The following AUH variants were observed in gnomAD, a reference collection of about 807,000 sequenced individuals.
AUH encodes AU RNA binding methylglutaconyl-CoA hydratase.
In AUH, 29 loss-of-function variants were observed where a neutral mutation model predicts 42.3. The ratio of observed to expected loss-of-function variants is 0.69; its 90% CI spans 0.51 to 0.93. AUH has a LOEUF of 0.93. Ranked by LOEUF, AUH falls within the 40% of genes least tolerant of loss-of-function variation. The pLI, the probability that AUH is intolerant of heterozygous loss-of-function variation, is 0.00. For missense variants in AUH, 452 were observed against 438.1 expected (o/e 1.03, Z -0.28); for synonymous variants, 174 against 166.4 (o/e 1.05, Z -0.35).
chr9:91,322,053 T>C (rs1829621124), intron 4 of AUH, among the ~76,000 whole-genome samples: 1 of 152,194 alleles, frequency 6.6e-6, no homozygotes, highest in Admixed American at 6.5e-5. Context: ...TCAAAATGTC[T>C]GGAATCATCA....
intron 3 of AUH, among the ~76,000 whole-genome samples, chr9:91,329,787 T>A (rs967390223): frequency 6.6e-6 from 1 of 152,176 alleles, no homozygotes; most frequent in African/African-American, 2.4e-5. Flanking sequence ...TTTCTGGTAA[T>A]ATCTAAAAAT....
intron 6 of AUH, among the ~76,000 whole-genome samples, chr9:91,242,797 C>T (rs1278669722): frequency 6.6e-6 from 1 of 152,052 alleles, no homozygotes; most frequent in Non-Finnish European, 1.5e-5. Context: ...GCTAAGTTTA[C>T]CAGGTGTTAT....
chr9:91,259,333 G>A (rs1829580904), intron 6 of AUH, among the ~76,000 whole-genome samples: 1 of 151,952 alleles, frequency 6.6e-6, no homozygotes, highest in Admixed American at 6.5e-5. Flanking sequence ...ATTTGTAGTG[G>A]TGAATGATCT....
At chr9:91,278,813 T>A (rs2131551841) in intron 6 of AUH, among the ~76,000 whole-genome samples, 1 of 152,284 alleles carries the variant, frequency 6.6e-6, no homozygotes, top group East Asian at 1.9e-4. Context: ...ACAGTAACTG[T>A]TGAAACAAGC....
intron 3 of AUH, among the ~76,000 whole-genome samples, chr9:91,348,331 G>A (rs531660756): frequency 3.3e-5 from 5 of 152,266 alleles, no homozygotes; most frequent in South Asian, 4.1e-4. Context: ...AAATGATACC[G>A]AAAACAGTTG....
intron 4 of AUH, among the ~76,000 whole-genome samples, chr9:91,309,619 A>C (rs750164698): frequency 6.6e-6 from 1 of 152,214 alleles, no homozygotes; most frequent in Non-Finnish European, 1.5e-5. Context: ...ATGGGTATAC[A>C]TGAACATAAA....
intron 3 of AUH, among the ~76,000 whole-genome samples, chr9:91,334,779 C>A (rs1309892195): frequency 6.6e-6 from 1 of 152,142 alleles, no homozygotes; most frequent in Non-Finnish European, 1.5e-5. Context: ...GGGGTTATTA[C>A]GCAGTGATTA....
intron 6 of AUH, among the ~76,000 whole-genome samples, chr9:91,250,919 T>C (rs1416205363): frequency 6.6e-6 from 1 of 151,986 alleles, no homozygotes; most frequent in Non-Finnish European, 1.5e-5. Context: ...CATCAGCACA[T>C]CCCCTGGGTG....
intron 6 of AUH, among the ~76,000 whole-genome samples, chr9:91,244,504 C>A (rs181396427): frequency 6.6e-6 from 1 of 152,152 alleles, no homozygotes. Context: ...TATTTCAAAA[C>A]ATTTTAAGGC....
intron 4 of AUH, among the ~76,000 whole-genome samples, chr9:91,315,782 C>T (rs1227670278): frequency 2.0e-5 from 3 of 151,882 alleles, no homozygotes; most frequent in Non-Finnish European, 4.4e-5. Flanking sequence ...TCAGAACTAA[C>T]ACCTGTCTGC....
intron 3 of AUH, among the ~76,000 whole-genome samples, chr9:91,340,216 AC>A (rs1831004070): frequency 6.6e-6 from 1 of 152,210 alleles, no homozygotes; most frequent in South Asian, 2.1e-4. Flanking sequence ...GACAGTAACT[AC>A]CTTCTGCAGC....
At chr9:91,320,313 A>T (rs1829471869) in intron 4 of AUH, among the ~76,000 whole-genome samples, 1 of 152,202 alleles carries the variant, frequency 6.6e-6, no homozygotes, top group South Asian at 2.1e-4. Context: ...GTACTTCTAT[A>T]CTTGTGGATG....
chr9:91,323,793 C>T (rs546988997), intron 4 of AUH, among the ~76,000 whole-genome samples: 1 of 151,872 alleles, frequency 6.6e-6, no homozygotes, highest in Non-Finnish European at 1.5e-5. Flanking sequence ...CCTTGAAAGA[C>T]ATTAAAAAAA....
chr9:91,220,855 C>G lies in AUH; in HGVS notation c.793G>C (p.Asp265His). The G allele has an allele frequency of 6.2e-7, 1 of 1,614,262 alleles. No homozygotes were observed. The highest frequency in any genetic ancestry group is 2.2e-5 in the East Asian group (1 of 44,880). Residue 265 changes from aspartate (D) to histidine (H), a missense_variant, in exon 7 of 10, where the codon GAC becomes CAC. Coordinates refer to ENST00000375731, the MANE Select transcript of AUH (RefSeq NM_001698.3). The stretch of plus-strand genomic sequence containing the variant: ...TCCAAGGCCTTCCTGTAGGCCGCGT[C>G]TCCCTCCTGGTTCTGTTCCAGAACG... ...SHVLEQNQEGDAAYRKALDLA... is the reference protein window; with the variant it reads ...SHVLEQNQEGHAAYRKALDLA...
At chr9:91,233,697 T>C (rs939579399) in intron 6 of AUH, among the ~76,000 whole-genome samples, 5 of 152,186 alleles carry the variant, frequency 3.3e-5, no homozygotes, top group Admixed American at 6.5e-5. Context: ...AAAATAATTA[T>C]CCTTGGCTAC....
chr9:91,297,342 A>G (rs908942789), intron 5 of AUH, among the ~76,000 whole-genome samples: 4 of 152,104 alleles, frequency 2.6e-5, no homozygotes, highest in Admixed American at 1.3e-4. Context: ...AGCAGTGGGC[A>G]CTAATTCTTT....
chr9:91,322,261 T>C (rs1829639741), intron 4 of AUH, among the ~76,000 whole-genome samples: 8 of 152,188 alleles, frequency 5.3e-5, no homozygotes, highest in Admixed American at 5.2e-4. Flanking sequence ...AAAGACACTC[T>C]GGAACAAACA....
chr9:91,278,648 C>A (rs1394433979), intron 6 of AUH, among the ~76,000 whole-genome samples: 1 of 152,158 alleles, frequency 6.6e-6, no homozygotes, highest in Non-Finnish European at 1.5e-5. Context: ...GGTCATTTCA[C>A]AAAAATAATG....
intron 7 of AUH, chr9:91,218,589 C>T (rs1489917624): frequency 6.1e-6 from 6 of 982,910 alleles, no homozygotes; most frequent in Middle Eastern, 5.2e-4. Flanking sequence ...CCACAGACCA[C>T]ACTTTGGGAA....
Sources: allele counts gnomAD v4.1 joint callset (sites outside exome capture counted in the v4.1 genomes callset), GRCh38; gene constraint gnomAD v4.1.1; transcripts MANE v1.5; gene names NCBI Gene and HGNC (gene_info 2026-07-23, HGNC 2026-07-21).